Variants in MEGF11 observed in about 807,000 individuals in gnomAD.
MEGF11 encodes multiple epidermal growth factor-like domains protein 11.
A neutral mutation model predicts 146.6 loss-of-function variants in MEGF11; 126 were observed. The observed-to-expected ratio is 0.86, with a 90% confidence interval of 0.74 to 1.00. MEGF11 has a LOEUF of 1.00. Among genes scored for constraint, MEGF11 ranks in the 50% least tolerant of loss-of-function variants. The pLI, the probability that MEGF11 is intolerant of heterozygous loss-of-function variation, is 0.00. For missense variants in MEGF11, 1,509 were observed against 1,521.2 expected (o/e 0.99, Z 0.13); for synonymous variants, 532 against 583.4 (o/e 0.91, Z 1.27).
intron 5 of MEGF11, among the ~76,000 whole-genome samples, chr15:66,049,555 A>C (rs1289401725): frequency 6.6e-6 from 1 of 152,050 alleles, no homozygotes; most frequent in Admixed American, 6.5e-5. Flanking sequence ...CGTTTTCCCC[A>C]CCCCATGCCA....
intron 1 of MEGF11, among the ~76,000 whole-genome samples, chr15:66,179,605 C>T (rs563118685): frequency 2.0e-5 from 3 of 152,214 alleles, no homozygotes; most frequent in East Asian, 1.9e-4. Flanking sequence ...GAACAGCATG[C>T]GAGAATGTAG....
chr15:65,929,926 AG>A, intron 11 of MEGF11, 43 bp from the exon 12 acceptor site: 2 of 1,556,598 alleles, frequency 1.3e-6, no homozygotes, highest in Non-Finnish European at 1.7e-6. Flanking sequence ...ATCCAGGCCC[AG>A]TGTGTCTTTT....
intron 5 of MEGF11, among the ~76,000 whole-genome samples, chr15:66,044,873 A>G (rs1597024291): frequency 1.3e-5 from 2 of 150,576 alleles, no homozygotes; most frequent in East Asian, 1.9e-4. Flanking sequence ...AAAAAAAAAA[A>G]AAAAAAAGAA....
At chr15:66,210,495 G>C (rs192000019) in intron 1 of MEGF11, among the ~76,000 whole-genome samples, 1 of 152,100 alleles carries the variant, frequency 6.6e-6, no homozygotes. Flanking sequence ...GCAGGGGTGG[G>C]AATCATCTCG....
At chr15:65,981,529 C>G (rs1037820073) in intron 6 of MEGF11, among the ~76,000 whole-genome samples, 2 of 152,086 alleles carry the variant, frequency 1.3e-5, no homozygotes, top group African/African-American at 4.8e-5. Context: ...GTAGGGAACA[C>G]CCTCAATCAA....
intron 10 of MEGF11, among the ~76,000 whole-genome samples, chr15:65,957,072 C>G (rs2080671734): frequency 6.6e-6 from 1 of 152,204 alleles, no homozygotes. Flanking sequence ...CTGCAACATT[C>G]ACTGTTAACA....
rs1358112027 is a variant in MEGF11, at chr15:66,006,612, G to A, written c.395-24124C>T. Among the ~76,000 whole-genome samples, 5 of 152,158 alleles carry A rather than the reference G, an allele frequency of 3.3e-5. No homozygotes were observed. The East Asian group carries it at 7.7e-4, about 23-fold the overall frequency. ...GTGTTGAGCTCCCTGCTCTGGCCTGGCTCTCTCTCTGCTGCTGGCATCCTC... is the reference window on the plus strand; with the variant it reads ...GTGTTGAGCTCCCTGCTCTGGCCTGACTCTCTCTCTGCTGCTGGCATCCTC... On this transcript the variant is annotated intron_variant, in intron 5 of 25. Coordinates refer to ENST00000395614, the MANE Select transcript of MEGF11 (RefSeq NM_001385028.1).
Position 65,916,825 on chromosome 15 carries a change from T to TA in MEGF11, c.2215+2dup. On this transcript the variant is annotated splice_region_variant and intron_variant, in intron 17 of 25. Transcript: ENST00000395614. Reference sequence around the variant, plus strand: ...GGCTGGGAGGCCAGGAGGTGGGGCTTACGCTGTGTGCAGAAGAGTCCAGTC... The same window carrying TA: ...GGCTGGGAGGCCAGGAGGTGGGGCTTAACGCTGTGTGCAGAAGAGTCCAGTC... 3.1e-6 allele frequency: 5 copies of TA among 1,610,952 alleles called. No individual in the cohort carries two copies. Among genetic ancestry groups the TA allele is most frequent in the Non-Finnish European group, 4.2e-6 (5 of 1,178,448 alleles).
At position 65,909,726 on chromosome 15, in the gene MEGF11, A is replaced by G. The variant is rs769842572; in HGVS notation, c.2896+14T>C. The G allele has an allele frequency of 1.3e-6, 2 of 1,564,416 alleles. No individual in the cohort carries two copies. Among genetic ancestry groups the G allele is most frequent in the South Asian group, 1.2e-5 (1 of 86,512 alleles). ...GGACATGATGGTGGGGACCAGACTCACACCACTACTGACCTAACACGTTCA... is the reference window on the plus strand; with the variant it reads ...GGACATGATGGTGGGGACCAGACTCGCACCACTACTGACCTAACACGTTCA... On this transcript the variant is annotated intron_variant, in intron 22 of 25. Coordinates refer to ENST00000395614, the MANE Select transcript of MEGF11 (RefSeq NM_001385028.1).
At chr15:66,014,801 T>G (rs2082829898) in intron 5 of MEGF11, among the ~76,000 whole-genome samples, 1 of 152,134 alleles carries the variant, frequency 6.6e-6, no homozygotes, top group Admixed American at 6.5e-5. Context: ...TAGCAACTTG[T>G]AGCCAGTGAC....
intron 23 of MEGF11, 48 bp from the exon 24 acceptor site, chr15:65,906,189 A>G: frequency 2.2e-6 from 3 of 1,389,166 alleles, no homozygotes; most frequent in Non-Finnish European, 3.0e-6. Context: ...GGTGAGGTTT[A>G]CTTAGACTGC....
chr15:65,930,575 G>T (rs1421801421), intron 11 of MEGF11, among the ~76,000 whole-genome samples: 3 of 152,328 alleles, frequency 2.0e-5, no homozygotes, highest in South Asian at 2.1e-4. Flanking sequence ...ACGTGTCTCG[G>T]TTGCACACTT....
intron 1 of MEGF11, among the ~76,000 whole-genome samples, chr15:66,189,066 A>T (rs944952570): frequency 3.3e-5 from 5 of 152,240 alleles, no homozygotes; most frequent in Non-Finnish European, 7.3e-5. Flanking sequence ...AAGGAAAGCC[A>T]TGGGGGAGGA....
At chr15:65,957,158 CATTTAAAATGATA>C (rs1345657893) in intron 10 of MEGF11, among the ~76,000 whole-genome samples, 6 of 152,184 alleles carry the variant, frequency 3.9e-5, no homozygotes, top group Middle Eastern at 3.4e-3. Context: ...GTTATGAAGC[CATTTAAAATGATA>C]ATTAAGAAGC....
chr15:66,155,054 A>G (rs2141052314), intron 1 of MEGF11, among the ~76,000 whole-genome samples: 1 of 152,314 alleles, frequency 6.6e-6, no homozygotes, highest in South Asian at 2.1e-4. Context: ...TCATATTCAG[A>G]TGCTGTTGGC....
intron 5 of MEGF11, among the ~76,000 whole-genome samples, chr15:66,022,766 T>G (rs1597001242): frequency 3.1e-5 from 4 of 129,604 alleles, no homozygotes; most frequent in Non-Finnish European, 4.8e-5. Context: ...GGGTTGGGGG[T>G]GGAGGGTGGG....
chr15:66,186,504 G>A (rs146835839), intron 1 of MEGF11, among the ~76,000 whole-genome samples: 3 of 152,334 alleles, frequency 2.0e-5, no homozygotes, highest in African/African-American at 7.2e-5. Flanking sequence ...AAAGGAGACT[G>A]TAGGACAGGA....
chr15:65,967,109 G>C (rs1418668001), intron 8 of MEGF11: 2 of 152,212 alleles, frequency 1.3e-5, no homozygotes, highest in Non-Finnish European at 2.9e-5. Flanking sequence ...CATAAAATGG[G>C]ACGATACTCA....
intron 24 of MEGF11, among the ~76,000 whole-genome samples, chr15:65,903,531 C>T (rs534600233): frequency 6.6e-6 from 1 of 152,272 alleles, no homozygotes; most frequent in East Asian, 1.9e-4. Flanking sequence ...ACAGCCCCAT[C>T]GTTTTATAGT....
Sources: allele counts gnomAD v4.1 joint callset (sites outside exome capture counted in the v4.1 genomes callset), GRCh38; gene constraint gnomAD v4.1.1; transcripts MANE v1.5; gene names NCBI Gene and HGNC (gene_info 2026-07-23, HGNC 2026-07-21).